HGF: variants seen among roughly 807,000 people sequenced by gnomAD.
HGF encodes the protein hepatocyte growth factor.
Under a neutral mutation model 111.6 loss-of-function variants are expected in HGF, and 39 were observed. The ratio of observed to expected loss-of-function variants is 0.35; its 90% CI spans 0.27 to 0.46. The LOEUF (loss-of-function observed/expected upper bound fraction) is 0.46. Ranked by LOEUF, HGF falls within the 20% of genes least tolerant of loss-of-function variation. The pLI, the probability that HGF is intolerant of heterozygous loss-of-function variation, is 1.00. For synonymous variants in HGF, 285 were observed against 294.8 expected (o/e 0.97, Z 0.34); for missense variants, 735 against 910.5 (o/e 0.81, Z 2.48).
intron 2 of HGF, among the ~76,000 whole-genome samples, chr7:81,760,165 T>C (rs1788997288): frequency 1.3e-5 from 2 of 152,226 alleles, no homozygotes; most frequent in Non-Finnish European, 2.9e-5. Context: ...TTTTAGAGTC[T>C]TTATCTTAAC....
At position 81,743,458 on chromosome 7, in the gene HGF, C is replaced by T; in HGVS notation, c.760G>A (p.Gly254Ser). 1 of 1,611,116 alleles carries T rather than the reference C, an allele frequency of 6.2e-7. No individual in the cohort carries two copies. The highest frequency in any genetic ancestry group is 2.2e-5 in the East Asian group (1 of 44,846). Residue 254 changes from glycine (G) to serine (S), a missense_variant, in exon 7 of 18, where the codon GGC becomes AGC. Physicochemically the swap from Gly to Ser is moderately conservative, Grantham distance 56 (BLOSUM62 0). This residue lies in a region of HGF where 553 missense variants were observed against 685.6 expected (regional missense o/e 0.81). Coordinates refer to ENST00000222390, the MANE Select transcript of HGF (RefSeq NM_000601.6). ...KFLPERYPDK[G>S]FDDNYCRNPD... is the part of the protein sequence containing the mutation. ...TTGCGGCAATAATTATCATCAAAGC[C>T]CTTGTCGGGATATCTGCAAACCACA...
rs115441165 is a variant in HGF at position 81,754,028 on chromosome 7, C to G, written c.483-1766G>C. The stretch of plus-strand genomic sequence containing the variant: ...TTTGCTTTATATGTTTTCAAGAAGT[C>G]ATGCACTAATCAAATTTATTTAAGC... On this transcript the variant is annotated intron_variant, in intron 4 of 17. Coordinates refer to ENST00000222390, the MANE Select transcript of HGF (RefSeq NM_000601.6). Among the ~76,000 whole-genome samples, 1,371 of 151,992 alleles carry G rather than the reference C, an allele frequency of 9.0e-3. 29 individuals carry two copies. The highest frequency in any genetic ancestry group is 0.031 in the African/African-American group (1,301 of 41,508).
chr7:81,717,609 G>A lies in HGF; in HGVS notation c.1272-244C>T, dbSNP rs5745720. ...GAGGGCTCCATAATTGGCATATTAG[G>A]TTTTGTGATTTTGCCTCTATTTGGT... is the stretch of plus-strand genomic sequence containing the variant. On this transcript the variant is annotated intron_variant, in intron 10 of 17. Coordinates refer to ENST00000222390, the MANE Select transcript of HGF (RefSeq NM_000601.6). Among the ~76,000 whole-genome samples, 127,866 of 151,932 alleles carry A rather than the reference G, an allele frequency of 0.84. 54,055 individuals are homozygous for A. The highest frequency in any genetic ancestry group is 0.92 in the African/African-American group (38,043 of 41,464).
intron 5 of HGF, among the ~76,000 whole-genome samples, chr7:81,749,648 A>T (rs1788411772): frequency 6.6e-6 from 1 of 152,036 alleles, no homozygotes; most frequent in Non-Finnish European, 1.5e-5. Flanking sequence ...TATAGTCACC[A>T]TTCACACAAT....
intron 4 of HGF, chr7:81,756,143 T>C (rs955178094): frequency 1.3e-4 from 89 of 674,280 alleles, no homozygotes; most frequent in Admixed American, 6.5e-5. Flanking sequence ...GCGCAGGTTA[T>C]AGAGTGATGG....
rs191496379 is a variant in HGF at position 81,703,535 on chromosome 7, A to G, written c.2011-778T>C. On this transcript the variant is annotated intron_variant, in intron 17 of 17. Coordinates refer to ENST00000222390, the MANE Select transcript of HGF (RefSeq NM_000601.6). ...GTGTTGTGTATATATACATGCATATATTCATTTATGGTTTTATTTATTCAT... is the reference window on the plus strand; with the variant it reads ...GTGTTGTGTATATATACATGCATATGTTCATTTATGGTTTTATTTATTCAT... 2.0e-5 allele frequency among the ~76,000 whole-genome samples: 3 copies of G among 149,894 alleles called. No homozygotes were observed. The East Asian group carries it at 5.8e-4, about 29-fold the overall frequency.
chr7:81,756,113 A>G, intron 4 of HGF: 1 of 697,760 alleles, frequency 1.4e-6, no homozygotes, highest in Non-Finnish European at 2.6e-6. Flanking sequence ...CAAATGTGTC[A>G]TGCCCTGAAG....
intron 9 of HGF, among the ~76,000 whole-genome samples, chr7:81,721,082 T>A (rs1447160194): frequency 6.7e-6 from 1 of 150,178 alleles, no homozygotes; most frequent in Admixed American, 6.6e-5. Flanking sequence ...TGTCTCTACT[T>A]TAAAAATACA....
At chr7:81,755,831 G>T (rs1399468705) in intron 4 of HGF, 2 of 544,630 alleles carry the variant, frequency 3.7e-6, no homozygotes, top group Admixed American at 3.5e-5. Flanking sequence ...TTTGAAAATT[G>T]TTGTTTTCTG....
At chr7:81,744,809 G>A (rs1354876164) in intron 6 of HGF, among the ~76,000 whole-genome samples, 191 bp downstream of exon 6, 3 of 152,088 alleles carry the variant, frequency 2.0e-5, no homozygotes, top group Non-Finnish European at 4.4e-5. Context: ...TTTGCCCTTA[G>A]ACTATTTCCT....
chr7:81,736,873 T>A, intron 7 of HGF: 3 of 384,656 alleles, frequency 7.8e-6, no homozygotes, highest in South Asian at 5.7e-5. Context: ...CACTGAAGGG[T>A]TTTTAATTTA....
chr7:81,744,968 A>G, intron 6 of HGF, 32 bp downstream of exon 6: 4 of 1,611,044 alleles, frequency 2.5e-6, no homozygotes, highest in Non-Finnish European at 3.4e-6. Flanking sequence ...TTGTAAAAGA[A>G]TCACTGAAAG....
intron 11 of HGF, 47 bp downstream of exon 11, chr7:81,717,185 G>T: frequency 1.3e-6 from 2 of 1,569,300 alleles, no homozygotes; most frequent in South Asian, 1.1e-5. Flanking sequence ...ATGAAATGTA[G>T]TACATTTAAA....
intron 5 of HGF, chr7:81,750,868 C>T (rs1788464841): frequency 2.8e-6 from 2 of 706,306 alleles, no homozygotes; most frequent in African/African-American, 3.9e-5. Flanking sequence ...TTCGTTCAGA[C>T]TTATTCATAC....
rs1787587940 is a variant in HGF, at chr7:81,729,867, TAGC to T, written c.866-91_866-89del. On this transcript the variant is annotated intron_variant, in intron 7 of 17. Coordinates refer to ENST00000222390, the MANE Select transcript of HGF (RefSeq NM_000601.6). The stretch of plus-strand genomic sequence containing the variant: ...TCTTAGAGTTCATTGGCATTTGTAT[TAGC>T]AGATTTTTTTTTCTGTTACTTATAA... 3 of 1,225,682 alleles carry T rather than the reference TAGC, an allele frequency of 2.4e-6. No homozygotes were observed. In the South Asian group the frequency reaches 4.1e-5, roughly 17 times the overall value. The allele number at this position is 1,225,682 out of a possible 1,614,324, so 75.9% of individuals were successfully genotyped here.
intron 7 of HGF, chr7:81,736,631 G>A (rs1221236198): frequency 4.6e-6 from 2 of 435,084 alleles, no homozygotes; most frequent in East Asian, 7.0e-5. Flanking sequence ...TGCCAACTAG[G>A]TAAGGAAGAA....
At chr7:81,762,684 A>G (rs1333263675) in intron 2 of HGF, 23 bp downstream of exon 2, 1 of 1,558,314 alleles carries the variant, frequency 6.4e-7, no homozygotes, top group Non-Finnish European at 8.9e-7. Context: ...AAATTATTCT[A>G]AGAAGAAAAT....
rs2115765427 is a variant in HGF, at chr7:81,705,672, A to C, written c.1839T>G (p.Ser613Arg). The part of the protein sequence containing the change: ...GCTIPEKTSC[S>R]VYGWGYTGLI... ...ATCCAGTGTAGCCCCAGCCATAAAC[A>C]CTGCAACTGGTCTTTTCAGGAATTG... is the stretch of plus-strand genomic sequence containing the variant. Residue 613 changes from serine (S) to arginine (R), a missense_variant, in exon 16 of 18, where the codon AGT (serine) becomes AGG (arginine). By Grantham distance (110) the Ser-to-Arg change is moderately radical. Coordinates refer to ENST00000222390, the MANE Select transcript of HGF (RefSeq NM_000601.6). 1 of 1,611,756 alleles carries C rather than the reference A, an allele frequency of 6.2e-7. No individual in the cohort carries two copies. The highest frequency in any genetic ancestry group is 8.5e-7 in the Non-Finnish European group (1 of 1,178,132).
chr7:81,710,292 A>G (rs768912788), intron 12 of HGF, 49 bp from the exon 13 acceptor site: 1 of 1,196,370 alleles, frequency 8.4e-7, no homozygotes, highest in Non-Finnish European at 1.2e-6. Context: ...ATTTGAAATA[A>G]TCAGTGCCTC....
Sources: allele counts gnomAD v4.1 joint callset (sites outside exome capture counted in the v4.1 genomes callset), GRCh38; gene constraint gnomAD v4.1.1; regional missense constraint gnomAD v4.1.1; transcripts MANE v1.5; gene names NCBI Gene and HGNC (gene_info 2026-07-23, HGNC 2026-07-21).